The following LRRC37A2 variants were observed in gnomAD, a reference collection of about 807,000 sequenced individuals.
The protein encoded by LRRC37A2 is leucine rich repeat containing 37 member A2.
LRRC37A2 carries 9 observed loss-of-function variants against 68.8 expected under a neutral mutation model. That is an observed-to-expected ratio of 0.13 (90% CI 0.08 to 0.23). The LOEUF (loss-of-function observed/expected upper bound fraction) is 0.23, where lower values mean the gene tolerates loss of function less well. Ranked by LOEUF, LRRC37A2 falls within the 10% of genes least tolerant of loss-of-function variation. The probability of loss-of-function intolerance (pLI) is 1.00; values close to 1 mark genes in which losing one functional copy is unlikely to be tolerated. For missense variants in LRRC37A2, 168 were observed against 950.4 expected, an observed-to-expected ratio of 0.18 and a Z score of 10.82; for synonymous variants, 63 against 367.6, an observed-to-expected ratio of 0.17 and a Z score of 9.48.
chr17:46,858,840 A>T, the LRRC37A2 span, among the ~76,000 whole-genome samples: 30 of 151,754 alleles, frequency 2.0e-4, no homozygotes, highest in Non-Finnish European at 3.7e-4. Flanking sequence ...CTAATTTTTT[A>T]TTTTTTTGTA....
the LRRC37A2 span, among the ~76,000 whole-genome samples, chr17:47,011,655 C>G: frequency 1.7e-4 from 26 of 151,832 alleles, 1 homozygote; most frequent in East Asian, 2.1e-3. Context: ...ATCCTCCCAC[C>G]TCAGGCTCCC....
At chr17:46,437,301 TA>T in the LRRC37A2 span, among the ~76,000 whole-genome samples, 10 of 10,512 alleles carry the variant, frequency 9.5e-4, no homozygotes, top group African/African-American at 1.8e-3. Flanking sequence ...GGTCATACTT[TA>T]AAAAAAAAAA....
the LRRC37A2 span, among the ~76,000 whole-genome samples, chr17:46,965,708 G>C: frequency 6.6e-6 from 1 of 151,906 alleles, no homozygotes; most frequent in Non-Finnish European, 1.5e-5. Flanking sequence ...CTGCAGCCTC[G>C]ACCTCCTGGG....
chr17:46,854,120 A>C, the LRRC37A2 span, among the ~76,000 whole-genome samples: 4 of 152,220 alleles, frequency 2.6e-5, no homozygotes, highest in Admixed American at 2.0e-4. Flanking sequence ...ACAGATGCTC[A>C]GAGAATCAGC....
chr17:46,635,810 T>TGTGTGTGTGTGTGC, the LRRC37A2 span, among the ~76,000 whole-genome samples: 1 of 142,488 alleles, frequency 7.0e-6, no homozygotes, highest in Admixed American at 7.2e-5. Flanking sequence ...TGTGTGTGTG[T>TGTGTGTGTGTGTGC]GTGTGTGTGC....
chr17:46,490,875 CT>C, the LRRC37A2 span, among the ~76,000 whole-genome samples: 22,065 of 146,464 alleles, frequency 0.15, 2,082 homozygotes, highest in Middle Eastern at 0.22. Flanking sequence ...TACATACATA[CT>C]TTTTTTTTTT....
At chr17:46,814,023 A>G in the LRRC37A2 span, among the ~76,000 whole-genome samples, 1 of 152,188 alleles carries the variant, frequency 6.6e-6, no homozygotes, top group Non-Finnish European at 1.5e-5. Flanking sequence ...CACCTCCTAA[A>G]GGACTTGGCA....
the LRRC37A2 span, among the ~76,000 whole-genome samples, chr17:46,777,209 CAAAAAA>C: frequency 2.1e-5 from 3 of 145,008 alleles, no homozygotes; most frequent in Non-Finnish European, 3.0e-5. Flanking sequence ...GACTTCGTCT[CAAAAAA>C]AAAAAAGAAA....
the LRRC37A2 span, among the ~76,000 whole-genome samples, chr17:46,765,492 G>A: frequency 6.6e-6 from 1 of 152,244 alleles, no homozygotes; most frequent in Non-Finnish European, 1.5e-5. Flanking sequence ...CATTTGACAG[G>A]CGCTCTCTCC....
chr17:46,858,302 C>T, the LRRC37A2 span, among the ~76,000 whole-genome samples: 13 of 152,084 alleles, frequency 8.5e-5, no homozygotes, highest in Non-Finnish European at 1.5e-4. Context: ...CGTGACTTGC[C>T]GTTTCATTTT....
chr17:46,745,285 TAATACACA>T, the LRRC37A2 span, among the ~76,000 whole-genome samples: 1 of 152,186 alleles, frequency 6.6e-6, no homozygotes, highest in Non-Finnish European at 1.5e-5. Flanking sequence ...TACCACTAAT[TAATACACA>T]AAATGGCCCA....
the LRRC37A2 span, among the ~76,000 whole-genome samples, chr17:46,844,933 C>T: frequency 7.2e-5 from 11 of 152,068 alleles, no homozygotes; most frequent in South Asian, 2.1e-4. Context: ...CTGCAACCTC[C>T]GCCTCCCAGC....
At chr17:46,939,352 T>C in the LRRC37A2 span, 1 of 1,006,160 alleles carries the variant, frequency 9.9e-7, no homozygotes, top group Non-Finnish European at 1.2e-6. Context: ...CAAGATGTAG[T>C]GCTATTGCCG....
intron 8 of LRRC37A2, among the ~76,000 whole-genome samples, chr17:46,541,859 T>C (rs1008795734): frequency 1.3e-5 from 2 of 150,690 alleles, no homozygotes; most frequent in African/African-American, 5.0e-5. Flanking sequence ...CTTTGGTATC[T>C]GCAGGGGGTC....
chr17:46,935,132 T>G, the LRRC37A2 span: 1 of 1,614,074 alleles, frequency 6.2e-7, no homozygotes, highest in African/African-American at 1.3e-5. Flanking sequence ...GGGCACAATA[T>G]TTTAGATGGA....
At chr17:46,975,874 G>T in the LRRC37A2 span, among the ~76,000 whole-genome samples, 2 of 129,652 alleles carry the variant, frequency 1.5e-5, no homozygotes, top group African/African-American at 6.0e-5. Context: ...AACTATGAAA[G>T]AAAGAAAGAA....
At chr17:47,012,032 T>C in the LRRC37A2 span, among the ~76,000 whole-genome samples, 1 of 152,214 alleles carries the variant, frequency 6.6e-6, no homozygotes, top group Non-Finnish European at 1.5e-5. Context: ...TATCCAGTTC[T>C]TCAGCAGGCT....
intron 11 of LRRC37A2, 131 bp from the exon 11 acceptor site, chr17:46,553,269 A>G (rs62073354): frequency 0.24 from 275,197 of 1,159,026 alleles, 79,999 homozygotes; most frequent in South Asian, 0.54. Context: ...TACACAGCAT[A>G]CAATTCCTGT....
chr17:47,037,504 A>C, the LRRC37A2 span, among the ~76,000 whole-genome samples: 1 of 152,216 alleles, frequency 6.6e-6, no homozygotes, highest in Non-Finnish European at 1.5e-5. Context: ...ATGTTTACAG[A>C]ATACTCTGTT....
Sources: gnomAD v4.1 joint callset for allele counts (sites outside exome capture counted in the v4.1 genomes callset) on GRCh38, gnomAD v4.1.1 for gene constraint, MANE v1.5 for transcripts, NCBI Gene and HGNC (gene_info 2026-07-23, HGNC 2026-07-21) for gene names.